The following ATP10B variants were observed in gnomAD, a reference collection of about 807,000 sequenced individuals.
ATP10B encodes phospholipid-transporting ATPase VB.
Under a neutral mutation model 141.2 loss-of-function variants are expected in ATP10B, and 122 were observed. The observed-to-expected ratio is 0.86, with a 90% CI of 0.75 to 1.00. ATP10B has a LOEUF of 1.00. Among genes scored for constraint, ATP10B ranks in the 50% least tolerant of loss-of-function variants. The pLI is 0.00. For synonymous variants in ATP10B, 685 were observed against 692.0 expected, an observed-to-expected ratio of 0.99 and a Z score of 0.16; for missense variants, 1,876 against 1,825.3, an observed-to-expected ratio of 1.03 and a Z score of -0.51.
intron 1 of ATP10B, among the ~76,000 whole-genome samples, chr5:160,818,010 A>T (rs1195397973): frequency 2.6e-5 from 4 of 152,370 alleles, no homozygotes; most frequent in Non-Finnish European, 4.4e-5. Context: ...AAGATGGATT[A>T]AAGACTTAAA....
intron 6 of ATP10B, among the ~76,000 whole-genome samples, chr5:160,685,868 C>G (rs1241226433): frequency 6.6e-6 from 1 of 152,104 alleles, no homozygotes; most frequent in Non-Finnish European, 1.5e-5. Flanking sequence ...CACTAGATGT[C>G]AGTAGTACCC....
intron 13 of ATP10B, among the ~76,000 whole-genome samples, chr5:160,626,356 C>T (rs1304794869): frequency 6.6e-6 from 1 of 152,166 alleles, no homozygotes; most frequent in African/African-American, 2.4e-5. Context: ...CATTAGATTA[C>T]ACTTACTGAG....
the ATP10B span, among the ~76,000 whole-genome samples, chr5:160,911,448 C>T: frequency 1.3e-5 from 2 of 152,156 alleles, no homozygotes; most frequent in Admixed American, 1.3e-4. Flanking sequence ...CAGAGGCTTC[C>T]GTTCACCAAA....
At chr5:160,654,095 T>A (rs1255690840) in intron 7 of ATP10B, among the ~76,000 whole-genome samples, 27 of 148,422 alleles carry the variant, frequency 1.8e-4, no homozygotes, top group African/African-American at 6.0e-4. Flanking sequence ...ATATGTTGTA[T>A]ATACGTATAT....
chr5:160,728,036 A>C lies in ATP10B; in HGVS notation c.-330-11002T>G, dbSNP rs78400528. ...AGCTTATCTTCCCAGGTGTAGAAGA[A>C]AGACAAGAGATCAGTCAGCTCTCTA... On this transcript the variant is annotated intron_variant, in intron 2 of 25. Coordinates refer to ENST00000327245, the MANE Select transcript of ATP10B (RefSeq NM_025153.3). Among the ~76,000 whole-genome samples the C allele has an allele frequency of 2.9e-4, 44 of 152,300 alleles. No homozygotes were observed. In the East Asian group the frequency reaches 6.9e-3, roughly 24 times the overall value.
the ATP10B span, among the ~76,000 whole-genome samples, chr5:160,893,023 T>A: frequency 1 from 152,330 of 152,336 alleles, 76,162 homozygotes; most frequent in Middle Eastern, 1. Context: ...CCCAGATACT[T>A]TGCTTTTCCT....
chr5:160,602,837 G>T (rs1757170884), intron 20 of ATP10B, 135 bp from the exon 21 acceptor site: 2 of 1,245,098 alleles, frequency 1.6e-6, no homozygotes, highest in African/African-American at 1.5e-5. Context: ...GGTCACTCTT[G>T]GGTAGCTTTT....
At chr5:160,565,985 A>C in intron 25 of ATP10B, 85 bp from the exon 26 acceptor site, 1 of 1,310,322 alleles carries the variant, frequency 7.6e-7, no homozygotes. Flanking sequence ...TTTAGAATCC[A>C]ACTCCCTGCC....
intron 1 of ATP10B, among the ~76,000 whole-genome samples, chr5:160,788,245 C>G (rs1771311253): frequency 6.6e-6 from 1 of 152,132 alleles, no homozygotes; most frequent in Non-Finnish European, 1.5e-5. Context: ...CTGGGACATT[C>G]CAGTAAACCT....
At chr5:160,683,594 A>G (rs1318656273) in intron 6 of ATP10B, among the ~76,000 whole-genome samples, 1 of 152,198 alleles carries the variant, frequency 6.6e-6, no homozygotes, top group East Asian at 1.9e-4. Flanking sequence ...AGCCTCTTTC[A>G]TTCTAACAAG....
intron 8 of ATP10B, among the ~76,000 whole-genome samples, chr5:160,646,643 A>T (rs1760293384): frequency 6.6e-6 from 1 of 152,174 alleles, no homozygotes; most frequent in Admixed American, 6.5e-5. Flanking sequence ...CTGTGGATTT[A>T]ATACTGGGCT....
chr5:160,871,469 G>A, the ATP10B span, among the ~76,000 whole-genome samples: 3 of 151,954 alleles, frequency 2.0e-5, no homozygotes, highest in African/African-American at 4.8e-5. Flanking sequence ...CATCACCTGC[G>A]CAGTATATAT....
rs150393287 is a variant in ATP10B at position 160,606,685 on chromosome 5, C to A, written c.3160+80G>T. On this transcript the variant is annotated intron_variant, in intron 19 of 25. Coordinates refer to ENST00000327245, the MANE Select transcript of ATP10B (RefSeq NM_025153.3). ...CAGCCTAAGCATTCTGACTTTGAGA[C>A]CTGACCTCCCACCTCTGGTCCAGCC... The A allele has an allele frequency of 3.7e-5, 53 of 1,427,972 alleles. No individual in the cohort carries two copies. In the African/African-American group the frequency reaches 4.4e-4, roughly 12 times the overall value. The allele number at this position is 1,427,972 out of a possible 1,614,324, so 88.5% of individuals were successfully genotyped here.
intron 1 of ATP10B, among the ~76,000 whole-genome samples, chr5:160,804,273 T>C (rs1378417740): frequency 6.6e-6 from 1 of 152,234 alleles, no homozygotes; most frequent in African/African-American, 2.4e-5. Context: ...TCAGCAGTTG[T>C]CTGGTCTCAA....
the ATP10B span, among the ~76,000 whole-genome samples, chr5:160,880,765 A>G: frequency 3.3e-5 from 5 of 152,348 alleles, no homozygotes; most frequent in East Asian, 9.6e-4. Context: ...CTAGGCACAG[A>G]TCTTACATCT....
intron 24 of ATP10B, 33 bp downstream of exon 24, chr5:160,589,559 G>T: frequency 2.6e-6 from 4 of 1,552,382 alleles, no homozygotes; most frequent in Non-Finnish European, 3.6e-6. Context: ...CAGGAGCACA[G>T]TTTTGAAGCC....
intron 1 of ATP10B, among the ~76,000 whole-genome samples, chr5:160,807,889 T>G (rs905536783): frequency 1.9e-4 from 29 of 152,304 alleles, no homozygotes; most frequent in African/African-American, 7.0e-4. Flanking sequence ...TGTTCCTACA[T>G]ATGGCTGACT....
At chr5:160,627,586 C>T (rs562982080) in intron 13 of ATP10B, among the ~76,000 whole-genome samples, 1 of 152,024 alleles carries the variant, frequency 6.6e-6, no homozygotes, top group South Asian at 2.1e-4. Flanking sequence ...CACATACTGG[C>T]CAATTTAGCA....
intron 2 of ATP10B, among the ~76,000 whole-genome samples, chr5:160,770,418 T>TTTTCA (rs111409865): frequency 0.16 from 24,065 of 152,002 alleles, 2,683 homozygotes; most frequent in East Asian, 0.42. Flanking sequence ...CCCTGGTATA[T>TTTTCA]TTTCGTTTTA....
Sources: gnomAD v4.1 joint callset for allele counts (sites outside exome capture counted in the v4.1 genomes callset) on GRCh38, gnomAD v4.1.1 for gene constraint, MANE v1.5 for transcripts, NCBI Gene and HGNC (gene_info 2026-07-23, HGNC 2026-07-21) for gene names.